Variants in YAE1 observed in about 807,000 individuals in gnomAD.
The protein encoded by YAE1 is protein YAE1 homolog.
Under a neutral mutation model 23.0 loss-of-function variants are expected in YAE1, and 22 were observed. The ratio of observed to expected loss-of-function variants is 0.96; its 90% CI spans 0.68 to 1.37. The LOEUF is 1.37. Ranked by LOEUF, YAE1 falls within the 40% of genes most tolerant of loss-of-function variation. The pLI, the probability that YAE1 is intolerant of heterozygous loss-of-function variation, is 0.00. For missense variants in YAE1, 260 were observed against 262.1 expected (o/e 0.99, Z 0.06); for synonymous variants, 101 against 97.0 (o/e 1.04, Z -0.24).
rs1210684726 is a variant in YAE1, at chr7:39,572,333, TAAAC to T, written c.311_314del (p.Asn104IlefsTer17). On this transcript the variant is annotated frameshift_variant, in exon 3 of 3. Coordinates refer to ENST00000223273, the MANE Select transcript of YAE1 (RefSeq NM_020192.5). LOFTEE classifies it high-confidence loss of function. ...AATAATTCAACTTTGATCAATAAAA[TAAAC>T]AATCTTCTGGATGCAGTTGGCCAGT... 6 of 1,613,868 alleles carry T rather than the reference TAAAC, an allele frequency of 3.7e-6. No individual in the cohort carries two copies. Among genetic ancestry groups the T allele is most frequent in the Admixed American group, 1.7e-5 (1 of 59,986 alleles).
intron 2 of YAE1, among the ~76,000 whole-genome samples, chr7:39,584,407 A>C (rs1331061528): frequency 6.6e-6 from 1 of 151,992 alleles, no homozygotes; most frequent in Non-Finnish European, 1.5e-5. Context: ...TGCATCCTTC[A>C]TGACTTTCAA....
At chr7:39,576,605 C>T (rs1024562515), downstream of YAE1, among the ~76,000 whole-genome samples, 2 of 152,196 alleles carry the variant, frequency 1.3e-5, no homozygotes, top group Non-Finnish European at 2.9e-5. Flanking sequence ...CCAGCAAATT[C>T]CTGTCACCCT....
chr7:39,595,543 C>A (rs1790961940), intron 2 of YAE1, among the ~76,000 whole-genome samples: 1 of 152,158 alleles, frequency 6.6e-6, no homozygotes, highest in Non-Finnish European at 1.5e-5. Flanking sequence ...AAGTATACTA[C>A]AAATGGCTTT....
chr7:39,610,489 A>C (rs959139663), downstream of YAE1, among the ~76,000 whole-genome samples: 1 of 152,224 alleles, frequency 6.6e-6, no homozygotes, highest in Non-Finnish European at 1.5e-5. Context: ...CATCCAGTAA[A>C]TAGTCATACC....
At chr7:39,608,069 G>A (rs1791156210) in intron 2 of YAE1, among the ~76,000 whole-genome samples, 1 of 152,116 alleles carries the variant, frequency 6.6e-6, no homozygotes, top group East Asian at 1.9e-4. Flanking sequence ...CATAGAACAT[G>A]TTCACCCTCC....
chr7:39,601,245 A>G (rs976218509), intron 2 of YAE1, among the ~76,000 whole-genome samples: 3 of 152,210 alleles, frequency 2.0e-5, no homozygotes, highest in Admixed American at 6.5e-5. Flanking sequence ...AATTCCTGAC[A>G]TAAATGCTAA....
rs536725493 is a variant in YAE1 at position 39,582,558 on chromosome 7, A to G, written c.251+11931A>G. Among the ~76,000 whole-genome samples the G allele has an allele frequency of 2.8e-4, 42 of 152,290 alleles. No individual in the cohort carries two copies. The South Asian group carries it at 8.5e-3, about 31-fold the overall frequency. On this transcript the variant is annotated intron_variant, in intron 2 of 2. Transcript: ENST00000432096. ...GATTTTTATCTTATAGGCCAATATGAGGTCTGTATGATGTCTGAAATCTGT... is the reference window on the plus strand; with the variant it reads ...GATTTTTATCTTATAGGCCAATATGGGGTCTGTATGATGTCTGAAATCTGT...
At chr7:39,583,169 G>A (rs1790770218) in intron 2 of YAE1, among the ~76,000 whole-genome samples, 1 of 152,100 alleles carries the variant, frequency 6.6e-6, no homozygotes, top group Non-Finnish European at 1.5e-5. Flanking sequence ...CCCATTAAAA[G>A]TTATCATTAT....
At chr7:39,587,417 C>CT (rs1295067706) in intron 2 of YAE1, among the ~76,000 whole-genome samples, 1 of 152,102 alleles carries the variant, frequency 6.6e-6, no homozygotes, top group Admixed American at 6.5e-5. Context: ...AGTGTCCTGA[C>CT]TTTCAGTTAA....
In YAE1 at chr7:39,601,135, C is replaced by T. The variant is rs189910700; in HGVS notation, c.252-8482C>T. On this transcript the variant is annotated intron_variant, in intron 2 of 2. Coordinates refer to the YAE1 transcript ENST00000432096. Reference sequence around the variant, plus strand: ...AAACCAAACAAAAGCAAGCACAAAGCGAAAATGCTCTTTGGTTAGGCACAA... The same window carrying T: ...AAACCAAACAAAAGCAAGCACAAAGTGAAAATGCTCTTTGGTTAGGCACAA... Among the ~76,000 whole-genome samples the T allele has an allele frequency of 3.4e-4, 52 of 152,192 alleles. No homozygotes were observed. In the East Asian group the frequency reaches 4.6e-3, roughly 14 times the overall value.
At chr7:39,588,129 T>C (rs188759165) in intron 2 of YAE1, among the ~76,000 whole-genome samples, 2 of 152,326 alleles carry the variant, frequency 1.3e-5, no homozygotes, top group Admixed American at 1.3e-4. Context: ...ATTAACATAT[T>C]TCTGTGGACT....
intron 1 of YAE1, among the ~76,000 whole-genome samples, chr7:39,568,258 A>T (rs1562588108): frequency 6.7e-6 from 1 of 149,956 alleles, no homozygotes; most frequent in African/African-American, 2.4e-5. Flanking sequence ...GATAATAATA[A>T]ATATATATAT....
chr7:39,580,578 GAGTT>G (rs1210000941), intron 2 of YAE1, among the ~76,000 whole-genome samples: 2 of 152,160 alleles, frequency 1.3e-5, no homozygotes, highest in Non-Finnish European at 2.9e-5. Flanking sequence ...AGAAGCTGTT[GAGTT>G]AGTTCAAGGC....
At chr7:39,602,248 T>C (rs888372041) in intron 2 of YAE1, among the ~76,000 whole-genome samples, 3 of 152,246 alleles carry the variant, frequency 2.0e-5, no homozygotes, top group Non-Finnish European at 4.4e-5. Context: ...GAGTCTATCA[T>C]TGAAAAATCA....
intron 2 of YAE1, among the ~76,000 whole-genome samples, chr7:39,588,293 C>T (rs1210576776): frequency 6.6e-6 from 1 of 152,100 alleles, no homozygotes; most frequent in Non-Finnish European, 1.5e-5. Context: ...GGGTGGATCA[C>T]CTGAGGTCAG....
intron 2 of YAE1, chr7:39,570,889 A>G (rs563656956): frequency 5.1e-5 from 18 of 355,002 alleles, no homozygotes; most frequent in African/African-American, 2.6e-4. Context: ...ACAATTATCT[A>G]TCTCATTGAA....
At chr7:39,595,943 A>C (rs897086601) in intron 2 of YAE1, among the ~76,000 whole-genome samples, 1 of 152,182 alleles carries the variant, frequency 6.6e-6, no homozygotes, top group Non-Finnish European at 1.5e-5. Flanking sequence ...TACAGCAGTT[A>C]TTTCTTTCTC....
At chr7:39,582,371 C>T (rs1296272745) in intron 2 of YAE1, among the ~76,000 whole-genome samples, 1 of 152,014 alleles carries the variant, frequency 6.6e-6, no homozygotes, top group African/African-American at 2.4e-5. Context: ...TTTAACTAAC[C>T]ATATAATTTT....
intron 2 of YAE1, among the ~76,000 whole-genome samples, chr7:39,590,775 A>C (rs1790890929): frequency 6.6e-6 from 1 of 152,208 alleles, no homozygotes; most frequent in Non-Finnish European, 1.5e-5. Context: ...AAAAGCTTTC[A>C]GATTTTGGAG....
Sources: allele counts gnomAD v4.1 joint callset (sites outside exome capture counted in the v4.1 genomes callset), GRCh38; gene constraint gnomAD v4.1.1; transcripts MANE v1.5; gene names NCBI Gene and HGNC (gene_info 2026-07-23, HGNC 2026-07-21).